The following GCNT2 variants were observed in gnomAD, a reference collection of about 807,000 sequenced individuals.
GCNT2 encodes the protein N-acetyllactosaminide beta-1,6-N-acetylglucosaminyl-transferase.
Under a neutral mutation model 34.2 loss-of-function variants are expected in GCNT2, and 34 were observed. The observed-to-expected ratio is 1.00, with a 90% confidence interval of 0.76 to 1.32. The LOEUF is 1.32. Ranked by LOEUF, GCNT2 falls within the 40% of genes most tolerant of loss-of-function variation. GCNT2 has a pLI of 0.00. For synonymous variants in GCNT2, 212 were observed against 188.0 expected (o/e 1.13, Z -1.04); for missense variants, 584 against 489.4 (o/e 1.19, Z -1.82).
intron 3 of GCNT2, among the ~76,000 whole-genome samples, chr6:10,603,887 GTTGT>G (rs146956766): frequency 0.45 from 61,272 of 135,208 alleles, 15,099 homozygotes; most frequent in East Asian, 0.64. Context: ...TTTTTGGTTT[GTTGT>G]TTGTTTGTTT....
intron 3 of GCNT2, among the ~76,000 whole-genome samples, chr6:10,539,639 G>GGA (rs35869319): frequency 4.6e-5 from 7 of 151,708 alleles, no homozygotes; most frequent in Admixed American, 6.6e-5. Flanking sequence ...CTCATTAAAT[G>GGA]GAGAGAGAGA....
intron 3 of GCNT2, among the ~76,000 whole-genome samples, chr6:10,549,389 G>T (rs1434609045): frequency 2.0e-5 from 3 of 151,918 alleles, no homozygotes; most frequent in Non-Finnish European, 4.4e-5. Flanking sequence ...TGGAATTTTG[G>T]GTCATAGGAT....
At chr6:10,586,708 G>C (rs775217088) in intron 3 of GCNT2, 3 of 1,614,040 alleles carry the variant, frequency 1.9e-6, no homozygotes, top group East Asian at 4.5e-5. Context: ...ACAGATAAAG[G>C]TGGCTTTTTT....
chr6:10,540,013 G>A (rs1436494944), intron 3 of GCNT2, among the ~76,000 whole-genome samples: 1 of 152,098 alleles, frequency 6.6e-6, no homozygotes, highest in East Asian at 1.9e-4. Flanking sequence ...GGGAGGTCGG[G>A]GCTACAGTGA....
At chr6:10,583,383 G>A (rs2127409958) in intron 3 of GCNT2, among the ~76,000 whole-genome samples, 1 of 152,286 alleles carries the variant, frequency 6.6e-6, no homozygotes, top group East Asian at 1.9e-4. Context: ...AGGTACGATT[G>A]CTAGGTGACT....
intron 3 of GCNT2, among the ~76,000 whole-genome samples, chr6:10,583,127 A>G (rs541214856): frequency 3.1e-4 from 47 of 152,280 alleles, no homozygotes; most frequent in South Asian, 4.1e-4. Context: ...CAATGTGCTC[A>G]TCTGTAAAAA....
intron 3 of GCNT2, among the ~76,000 whole-genome samples, chr6:10,530,847 G>C (rs1372012678): frequency 6.6e-6 from 1 of 152,056 alleles, no homozygotes; most frequent in Non-Finnish European, 1.5e-5. Flanking sequence ...AAGGTCAGGA[G>C]TTCGAGACCA....
chr6:10,577,287 C>T (rs1763863270), intron 3 of GCNT2, among the ~76,000 whole-genome samples: 1 of 152,232 alleles, frequency 6.6e-6, no homozygotes, highest in Non-Finnish European at 1.5e-5. Flanking sequence ...GCTCTGCACT[C>T]AGACGCCTCC....
chr6:10,574,727 TA>T (rs1433022432), intron 3 of GCNT2: 5 of 510,834 alleles, frequency 9.8e-6, no homozygotes, highest in South Asian at 5.3e-5. Flanking sequence ...AGAGGTCTTT[TA>T]TTTTTTTTTA....
At chr6:10,587,050 A>G (rs1397774886) in intron 3 of GCNT2, 1 of 704,920 alleles carries the variant, frequency 1.4e-6, no homozygotes, top group Non-Finnish European at 2.5e-6. Context: ...GCTTGTAGCA[A>G]CAGTGTATTG....
At chr6:10,617,727 C>G (rs974493782) in intron 3 of GCNT2, among the ~76,000 whole-genome samples, 3 of 149,758 alleles carry the variant, frequency 2.0e-5, no homozygotes, top group African/African-American at 7.5e-5. Flanking sequence ...GGCCACTGCA[C>G]CTGGCCAGAG....
chr6:10,571,978 A>ATTG (rs774762300), intron 3 of GCNT2, among the ~76,000 whole-genome samples: 8 of 152,258 alleles, frequency 5.3e-5, no homozygotes, highest in Non-Finnish European at 1.0e-4. Flanking sequence ...CTAATCAGTA[A>ATTG]TACCTTCAGT....
At chr6:10,572,015 G>C (rs1392864666) in intron 3 of GCNT2, among the ~76,000 whole-genome samples, 1 of 149,330 alleles carries the variant, frequency 6.7e-6, no homozygotes, top group Non-Finnish European at 1.5e-5. Context: ...GGAGTGGTTA[G>C]GACTGATGCT....
intron 3 of GCNT2, among the ~76,000 whole-genome samples, chr6:10,609,709 T>A (rs1765470616): frequency 1.3e-5 from 2 of 152,158 alleles, no homozygotes; most frequent in South Asian, 4.1e-4. Context: ...AGTGACAGTA[T>A]GAAGCAAAGG....
intron 3 of GCNT2, among the ~76,000 whole-genome samples, chr6:10,571,622 G>C (rs1290411627): frequency 6.6e-6 from 1 of 152,050 alleles, no homozygotes; most frequent in Non-Finnish European, 1.5e-5. Context: ...CAAAGTGCTG[G>C]GATTACAGGT....
chr6:10,578,744 C>T (rs569964834), intron 3 of GCNT2, among the ~76,000 whole-genome samples: 2 of 152,216 alleles, frequency 1.3e-5, no homozygotes, highest in African/African-American at 4.8e-5. Context: ...CTGCGCCCGG[C>T]CCGGAGCTTA....
intron 3 of GCNT2, among the ~76,000 whole-genome samples, chr6:10,574,215 C>T (rs612889): frequency 4.3e-4 from 65 of 151,998 alleles, no homozygotes; most frequent in African/African-American, 1.3e-3. Context: ...TGGCATATCT[C>T]GGACTGGCCA....
chr6:10,603,277 G>T (rs1272750074), intron 3 of GCNT2, among the ~76,000 whole-genome samples: 1 of 152,172 alleles, frequency 6.6e-6, no homozygotes. Flanking sequence ...TTCAATGTAG[G>T]TTAGTCAGCT....
intron 3 of GCNT2, among the ~76,000 whole-genome samples, chr6:10,611,608 C>T (rs1305902419): frequency 6.6e-6 from 1 of 152,016 alleles, no homozygotes; most frequent in Non-Finnish European, 1.5e-5. Flanking sequence ...GGATTACAGG[C>T]GTGAGCCACC....
Sources: gnomAD v4.1 joint callset for allele counts (sites outside exome capture counted in the v4.1 genomes callset) on GRCh38, gnomAD v4.1.1 for gene constraint, MANE v1.5 for transcripts, NCBI Gene and HGNC (gene_info 2026-07-23, HGNC 2026-07-21) for gene names.